CSMD2: variants seen among roughly 807,000 people sequenced by gnomAD.
CSMD2 encodes CUB and Sushi multiple domains 2.
Under a neutral mutation model 398.5 loss-of-function variants are expected in CSMD2, and 130 were observed. The ratio of observed to expected loss-of-function variants is 0.33; its 90% CI spans 0.28 to 0.38. CSMD2 has a LOEUF of 0.38. Ranked by LOEUF, CSMD2 falls within the 10% of genes least tolerant of loss-of-function variation. CSMD2 has a pLI of 1.00. For synonymous variants in CSMD2, 1,828 were observed against 1,908.5 expected (o/e 0.96, Z 1.10); for missense variants, 3,829 against 4,764.9 (o/e 0.80, Z 5.78).
At chr1:33,625,481 G>C (rs547002081) in intron 33 of CSMD2, among the ~76,000 whole-genome samples, 1 of 152,306 alleles carries the variant, frequency 6.6e-6, no homozygotes, top group Non-Finnish European at 1.5e-5. Context: ...ACGGGAGGTA[G>C]AGCCGTGGAC....
chr1:33,623,237 T>A, intron 36 of CSMD2, 133 bp downstream of exon 36: 1 of 672,644 alleles, frequency 1.5e-6, no homozygotes, highest in Non-Finnish European at 2.6e-6. Context: ...AAACCACTGA[T>A]GTGTCCACTT....
At chr1:33,807,349 C>A (rs1184531782) in intron 10 of CSMD2, among the ~76,000 whole-genome samples, 1 of 152,188 alleles carries the variant, frequency 6.6e-6, no homozygotes, top group African/African-American at 2.4e-5. Context: ...CAGCATCATG[C>A]AATATACCCA....
At chr1:33,968,723 A>G (rs1169251704) in intron 3 of CSMD2, among the ~76,000 whole-genome samples, 1 of 152,038 alleles carries the variant, frequency 6.6e-6, no homozygotes, top group Non-Finnish European at 1.5e-5. Context: ...GCCTTTTGAA[A>G]CCCTGCACTG....
intron 25 of CSMD2, among the ~76,000 whole-genome samples, chr1:33,670,316 C>T (rs1298940511): frequency 6.6e-6 from 1 of 152,214 alleles, no homozygotes; most frequent in Non-Finnish European, 1.5e-5. Flanking sequence ...CTGACCTGTA[C>T]TAGCCCCTTG....
Position 33,622,287 on chromosome 1 carries a change from C to A in CSMD2, c.5723-16G>T. ...ACGGTTGTTCCTAGGGCAAGGACAC[C>A]AGGGAAAACCATTTAAGTTTGGCTC... On this transcript the variant is annotated splice_polypyrimidine_tract_variant and intron_variant, in intron 36 of 70. Coordinates refer to ENST00000373381, the MANE Select transcript of CSMD2 (RefSeq NM_001281956.2). 1 of 1,594,976 alleles carries A rather than the reference C, an allele frequency of 6.3e-7. No individual in the cohort carries two copies. Among genetic ancestry groups the A allele is most frequent in the Non-Finnish European group, 8.6e-7 (1 of 1,162,784 alleles).
intron 32 of CSMD2, among the ~76,000 whole-genome samples, chr1:33,627,556 G>A (rs1642205734): frequency 6.6e-6 from 1 of 152,156 alleles, no homozygotes; most frequent in Non-Finnish European, 1.5e-5. Flanking sequence ...GGCTAGAGTT[G>A]GGACCCACAA....
At chr1:34,008,878 AAT>A (rs1390426521) in intron 3 of CSMD2, among the ~76,000 whole-genome samples, 3 of 152,146 alleles carry the variant, frequency 2.0e-5, no homozygotes, top group African/African-American at 7.2e-5. Flanking sequence ...TTGCTGAATG[AAT>A]GAATGAATGT....
At position 33,725,422 on chromosome 1, in the gene CSMD2, G is replaced by A; in HGVS notation, c.2622C>T (p.Thr874=). The part of the protein sequence containing the change: ...GTQVPQFLIS[T]SNYLYLLFST... The stretch of plus-strand genomic sequence containing the variant: ...AGAAGAGGAGGTAGAGGTAGTTGCT[G>A]GTGCTGATGAGGAACTGGGGAACCT... Residue 874 remains threonine, a synonymous_variant, in exon 17 of 71, where the codon ACC becomes ACT. Transcript: ENST00000373381. The A allele has an allele frequency of 6.2e-7, 1 of 1,614,124 alleles. No homozygotes were observed. The highest frequency in any genetic ancestry group is 8.5e-7 in the Non-Finnish European group (1 of 1,179,978).
At chr1:33,985,884 C>T (rs967311114) in intron 3 of CSMD2, among the ~76,000 whole-genome samples, 1 of 152,150 alleles carries the variant, frequency 6.6e-6, no homozygotes, top group Non-Finnish European at 1.5e-5. Flanking sequence ...TCAGTCCACT[C>T]GCAGGCTGCC....
chr1:33,711,831 G>T (rs1646001355), intron 21 of CSMD2, among the ~76,000 whole-genome samples: 1 of 152,160 alleles, frequency 6.6e-6, no homozygotes, highest in Admixed American at 6.5e-5. Context: ...ACCTTTACGA[G>T]GAGGGGCTGA....
chr1:33,532,903 C>G (rs1295266829), intron 64 of CSMD2, 147 bp downstream of exon 64: 3 of 832,560 alleles, frequency 3.6e-6, no homozygotes. Context: ...CTTTGCTCTT[C>G]TAGACTCAAA....
At chr1:34,067,992 C>T (rs985376709) in intron 2 of CSMD2, among the ~76,000 whole-genome samples, 1 of 152,156 alleles carries the variant, frequency 6.6e-6, no homozygotes, top group Non-Finnish European at 1.5e-5. Context: ...ATGTCTGTAG[C>T]CCAGAGAGGT....
At chr1:33,628,962 C>T (rs546645082) in intron 32 of CSMD2, among the ~76,000 whole-genome samples, 10 of 151,806 alleles carry the variant, frequency 6.6e-5, no homozygotes, top group African/African-American at 1.4e-4. Context: ...AAGTTTGACC[C>T]GTAATTTGAT....
At chr1:33,878,921 C>T (rs147689743) in intron 5 of CSMD2, among the ~76,000 whole-genome samples, 46 of 152,300 alleles carry the variant, frequency 3.0e-4, no homozygotes, top group African/African-American at 1.1e-3. Flanking sequence ...TATATGAATC[C>T]ATAGGACTGA....
rs534324757 is a variant in CSMD2 at position 33,928,715 on chromosome 1, C to T, written c.712+7045G>A. Among the ~76,000 whole-genome samples the T allele has an allele frequency of 5.3e-5, 8 of 152,290 alleles. No homozygotes were observed. In the South Asian group the frequency reaches 6.2e-4, roughly 12 times the overall value. On this transcript the variant is annotated intron_variant, in intron 4 of 70. Transcript: ENST00000373381. Reference sequence around the variant, plus strand: ...GATGGAAGGCTAGTTATCCCAGTAGCAGTAGAGTTACCCTATCGTAAAGAG... The same window carrying T: ...GATGGAAGGCTAGTTATCCCAGTAGTAGTAGAGTTACCCTATCGTAAAGAG...
chr1:34,165,291 A>T (rs1169822247), upstream of CSMD2: 2 of 1,204,584 alleles, frequency 1.7e-6, no homozygotes, highest in Non-Finnish European at 2.1e-6. Flanking sequence ...GACTCGCTCC[A>T]ATCCCGCTTC....
chr1:33,932,035 C>T (rs758904823), intron 4 of CSMD2, among the ~76,000 whole-genome samples: 2 of 152,046 alleles, frequency 1.3e-5, no homozygotes, highest in African/African-American at 2.4e-5. Flanking sequence ...GCCGATGATG[C>T]GATGTGAACA....
At chr1:33,629,569 A>C (rs1318017726) in intron 32 of CSMD2, among the ~76,000 whole-genome samples, 1 of 152,166 alleles carries the variant, frequency 6.6e-6, no homozygotes, top group African/African-American at 2.4e-5. Flanking sequence ...TGATACATCA[A>C]ATAGAAAAAC....
intron 3 of CSMD2, among the ~76,000 whole-genome samples, chr1:34,006,225 C>A (rs185080449): frequency 1.3e-5 from 2 of 152,154 alleles, no homozygotes; most frequent in Admixed American, 6.5e-5. Context: ...TGAGACAGTC[C>A]TCCCAGACCT....
Sources: allele counts gnomAD v4.1 joint callset (sites outside exome capture counted in the v4.1 genomes callset), GRCh38; gene constraint gnomAD v4.1.1; transcripts MANE v1.5; gene names NCBI Gene and HGNC (gene_info 2026-07-23, HGNC 2026-07-21).